PARD3B: variants seen among roughly 807,000 people sequenced by gnomAD.
PARD3B encodes partitioning defective 3 homolog B.
A neutral mutation model predicts 130.2 loss-of-function variants in PARD3B; 103 were observed. That is an observed-to-expected ratio of 0.79 (90% CI 0.67 to 0.93). PARD3B has a LOEUF of 0.93. PARD3B is among the 40% of genes least tolerant of loss of function. The pLI, the probability that PARD3B is intolerant of heterozygous loss-of-function variation, is 0.00. For synonymous variants in PARD3B, 583 were observed against 553.2 expected, an observed-to-expected ratio of 1.05 and a Z score of -0.76; for missense variants, 1,609 against 1,499.2, an observed-to-expected ratio of 1.07 and a Z score of -1.21.
intron 3 of PARD3B, among the ~76,000 whole-genome samples, chr2:205,029,533 AAT>A (rs1332500701): frequency 6.6e-6 from 1 of 152,210 alleles, no homozygotes; most frequent in African/African-American, 2.4e-5. Context: ...ATGGATTACG[AAT>A]ACCCACTAAA....
chr2:205,117,911 G>A (rs2030039695), intron 6 of PARD3B, among the ~76,000 whole-genome samples: 1 of 7,954 alleles, frequency 1.3e-4, no homozygotes, highest in African/African-American at 2.3e-4. Context: ...GTGTATGTAT[G>A]TGTGTACACA....
At chr2:204,577,460 A>G (rs1368915569) in intron 1 of PARD3B, among the ~76,000 whole-genome samples, 30 of 152,230 alleles carry the variant, frequency 2.0e-4, no homozygotes. Context: ...TGTCTGGCTC[A>G]TGTTGCACAA....
At chr2:205,306,476 T>A (rs894497654) in intron 18 of PARD3B, among the ~76,000 whole-genome samples, 1 of 152,362 alleles carries the variant, frequency 6.6e-6, no homozygotes, top group East Asian at 1.9e-4. Context: ...TCCCATTTTC[T>A]AGAATATTAC....
chr2:205,466,569 A>G (rs998834095), intron 20 of PARD3B, among the ~76,000 whole-genome samples: 4 of 152,198 alleles, frequency 2.6e-5, no homozygotes, highest in Non-Finnish European at 5.9e-5. Context: ...AGTTTTATTA[A>G]TACAACTAAG....
intron 10 of PARD3B, among the ~76,000 whole-genome samples, chr2:205,139,351 T>G (rs1290874024): frequency 6.6e-6 from 1 of 152,110 alleles, no homozygotes; most frequent in African/African-American, 2.4e-5. Context: ...ATTACAAACA[T>G]TATTCATTAA....
At chr2:204,854,185 A>G (rs536293750) in intron 2 of PARD3B, among the ~76,000 whole-genome samples, 1 of 152,288 alleles carries the variant, frequency 6.6e-6, no homozygotes, top group East Asian at 1.9e-4. Flanking sequence ...GTGGAAAGGA[A>G]CTCAGGAGAG....
intron 22 of PARD3B, among the ~76,000 whole-genome samples, chr2:205,581,449 A>G (rs1357639642): frequency 6.9e-6 from 1 of 145,166 alleles, no homozygotes; most frequent in Admixed American, 7.0e-5. Flanking sequence ...ATATATAAAT[A>G]TATATGACAG....
intron 1 of PARD3B, among the ~76,000 whole-genome samples, chr2:204,552,653 C>G (rs1313847417): frequency 6.6e-6 from 1 of 152,152 alleles, no homozygotes; most frequent in Non-Finnish European, 1.5e-5. Flanking sequence ...AATCCTTGAT[C>G]CACTTTGAGT....
At position 205,539,250 on chromosome 2, in the gene PARD3B, C is replaced by A. The variant is rs138857850; in HGVS notation, c.3181-14074C>A. ...AAATAGTCTTATGAGGAATTCACAA[C>A]ACCTGCCTTTGTCCTGGTCAGGGTA... On this transcript the variant is annotated intron_variant, in intron 21 of 22. Coordinates refer to ENST00000406610, the MANE Select transcript of PARD3B (RefSeq NM_001302769.2). Among the ~76,000 whole-genome samples, 525 of 152,322 alleles carry A rather than the reference C, an allele frequency of 3.4e-3. 3 individuals are homozygous for A. Among genetic ancestry groups the A allele is most frequent in the Middle Eastern group, 0.014 (4 of 294 alleles).
chr2:204,743,011 G>T (rs1471434432), intron 2 of PARD3B, among the ~76,000 whole-genome samples: 1 of 152,164 alleles, frequency 6.6e-6, no homozygotes, highest in East Asian at 1.9e-4. Context: ...AGGTTGGGAA[G>T]CAACATGGCT....
At chr2:204,954,554 G>A (rs541516507) in intron 2 of PARD3B, among the ~76,000 whole-genome samples, 4 of 152,304 alleles carry the variant, frequency 2.6e-5, no homozygotes, top group African/African-American at 9.6e-5. Context: ...CTAATTTTCA[G>A]GGGATTGTGA....
intron 18 of PARD3B, among the ~76,000 whole-genome samples, chr2:205,373,934 A>G (rs573317571): frequency 1.3e-5 from 2 of 152,080 alleles, no homozygotes; most frequent in South Asian, 4.1e-4. Flanking sequence ...ACTGATGTCT[A>G]TTTTCGGTAA....
chr2:205,523,253 A>T (rs1394507721), intron 21 of PARD3B, among the ~76,000 whole-genome samples: 1 of 147,100 alleles, frequency 6.8e-6, no homozygotes, highest in African/African-American at 2.5e-5. Context: ...TTATATATAT[A>T]TATATTTTTG....
At chr2:205,348,751 T>G (rs1240797233) in intron 18 of PARD3B, among the ~76,000 whole-genome samples, 1 of 152,190 alleles carries the variant, frequency 6.6e-6, no homozygotes, top group Non-Finnish European at 1.5e-5. Context: ...TGCTCTTTAA[T>G]TCTCATAATA....
At chr2:205,543,252 T>C (rs1306909144) in intron 21 of PARD3B, among the ~76,000 whole-genome samples, 1 of 151,990 alleles carries the variant, frequency 6.6e-6, no homozygotes, top group Non-Finnish European at 1.5e-5. Flanking sequence ...AAAAAAAAAC[T>C]GTACATAAAC....
intron 1 of PARD3B, among the ~76,000 whole-genome samples, chr2:204,587,821 G>A (rs2032894153): frequency 1.3e-5 from 2 of 152,106 alleles, no homozygotes; most frequent in African/African-American, 4.8e-5. Context: ...GAATCATGGC[G>A]GTAGTTACCT....
chr2:205,202,496 T>C (rs1052458151), intron 15 of PARD3B, among the ~76,000 whole-genome samples: 5 of 152,232 alleles, frequency 3.3e-5, no homozygotes, highest in African/African-American at 1.2e-4. Flanking sequence ...GAATTGTACT[T>C]TTATAATGCT....
rs1417900257 is a variant in PARD3B at position 205,287,637 on chromosome 2, C to G, written c.2186-12893C>G. ...TGAGAGTTGAGGAGGCATAGTACAC[C>G]AAGGAAAGCCAGGATGCTCATTTTA... On this transcript the variant is annotated intron_variant, in intron 16 of 22. Transcript: ENST00000406610. The surrounding 1 kb of genome is among the most constrained non-coding windows in gnomAD (Gnocchi z 4.8). Among the ~76,000 whole-genome samples the G allele has an allele frequency of 6.6e-6, 1 of 152,072 alleles. No individual in the cohort carries two copies. The highest frequency in any genetic ancestry group is 1.5e-5 in the Non-Finnish European group (1 of 68,032).
chr2:204,846,825 C>T (rs977208895), intron 2 of PARD3B, among the ~76,000 whole-genome samples: 12 of 151,798 alleles, frequency 7.9e-5, no homozygotes, highest in African/African-American at 2.2e-4. Context: ...CAGGAGATTC[C>T]GACTGCCTGT....
Sources: allele counts gnomAD v4.1 joint callset (sites outside exome capture counted in the v4.1 genomes callset), GRCh38; gene constraint gnomAD v4.1.1; non-coding constraint Gnocchi (gnomAD v3.1); transcripts MANE v1.5; gene names NCBI Gene and HGNC (gene_info 2026-07-23, HGNC 2026-07-21).